BLTP1: variants seen among roughly 807,000 people sequenced by gnomAD.
BLTP1 encodes the protein fragile site-associated protein.
the BLTP1 span, chr4:122,185,137 G>A: frequency 1.0e-6 from 1 of 983,556 alleles, no homozygotes; most frequent in Non-Finnish European, 1.2e-6. Flanking sequence ...TAGGAATGAA[G>A]TTATAAATTA....
the BLTP1 span, chr4:122,194,730 T>C: frequency 1.2e-6 from 1 of 810,536 alleles, no homozygotes; most frequent in Non-Finnish European, 1.5e-6. Flanking sequence ...TTTCATTATG[T>C]ATTTTTCATA....
the BLTP1 span, chr4:122,331,627 C>A: frequency 6.8e-7 from 1 of 1,473,202 alleles, no homozygotes; most frequent in Admixed American, 2.5e-5. Flanking sequence ...CAAACTTCTC[C>A]ATCCCAAAAT....
chr4:122,258,684 C>A, the BLTP1 span: 1 of 1,605,916 alleles, frequency 6.2e-7, no homozygotes, highest in Non-Finnish European at 8.5e-7. Context: ...CTCACTTATT[C>A]TTTTGAACTG....
At chr4:122,244,573 C>T in the BLTP1 span, 2 of 733,674 alleles carry the variant, frequency 2.7e-6, no homozygotes, top group South Asian at 6.2e-5. Context: ...ATAAAACTAA[C>T]ATGAATAAAA....
chr4:122,256,736 C>T, the BLTP1 span: 1 of 241,688 alleles, frequency 4.1e-6, no homozygotes, highest in Non-Finnish European at 6.7e-6. Flanking sequence ...ATAATTATTA[C>T]TGATAATACA....
At chr4:122,154,102 A>T in the BLTP1 span, 1 of 985,038 alleles carries the variant, frequency 1.0e-6, no homozygotes, top group Non-Finnish European at 1.2e-6. Context: ...AAACTCTGGA[A>T]AAAAACTTGG....
the BLTP1 span, chr4:122,201,976 A>G: frequency 1.6e-5 from 9 of 568,342 alleles, no homozygotes; most frequent in Non-Finnish European, 2.0e-5. Context: ...TGTTGTGTAA[A>G]TGATTTCACT....
At chr4:122,307,415 C>A in the BLTP1 span, 7 of 944,434 alleles carry the variant, frequency 7.4e-6, no homozygotes, top group Non-Finnish European at 8.8e-6. Context: ...ACTTCTCTGG[C>A]CTCTCCATCT....
the BLTP1 span, chr4:122,293,222 C>T: frequency 1.0e-6 from 1 of 969,708 alleles, no homozygotes; most frequent in Non-Finnish European, 1.2e-6. Flanking sequence ...TGAAATAAAA[C>T]TTGATTGACA....
the BLTP1 span, chr4:122,264,542 C>G: frequency 2.3e-5 from 20 of 867,492 alleles, no homozygotes; most frequent in Non-Finnish European, 2.9e-5. Flanking sequence ...CCTTACCTAT[C>G]TGCCTACAGC....
the BLTP1 span, among the ~76,000 whole-genome samples, chr4:122,195,916 A>G: frequency 1.3e-5 from 2 of 152,202 alleles, no homozygotes; most frequent in African/African-American, 4.8e-5. Context: ...TTTTAAAGCC[A>G]TAGACTGGCA....
the BLTP1 span, among the ~76,000 whole-genome samples, chr4:122,155,544 G>A: frequency 5.9e-5 from 9 of 152,094 alleles, no homozygotes; most frequent in Non-Finnish European, 2.9e-5. Flanking sequence ...GGCTGGTCTC[G>A]AACTCCTAAC....
the BLTP1 span, among the ~76,000 whole-genome samples, chr4:122,159,008 G>T: frequency 6.6e-6 from 1 of 152,164 alleles, no homozygotes; most frequent in Non-Finnish European, 1.5e-5. Context: ...TGGATCATCA[G>T]TCGCCATACC....
At chr4:122,348,114 T>C in the BLTP1 span, among the ~76,000 whole-genome samples, 23 of 152,154 alleles carry the variant, frequency 1.5e-4, no homozygotes, top group Non-Finnish European at 1.6e-4. Context: ...GATTAAAATA[T>C]AATGAGCAAA....
At chr4:122,214,134 T>C in the BLTP1 span, 4 of 760,964 alleles carry the variant, frequency 5.3e-6, no homozygotes, top group Non-Finnish European at 6.4e-6. Context: ...CTGATTGTAT[T>C]AGCTGTCATC....
At chr4:122,207,051 T>G in the BLTP1 span, 1 of 1,496,552 alleles carries the variant, frequency 6.7e-7, no homozygotes. Flanking sequence ...AATCTGTGTT[T>G]TACTTTTCTG....
At chr4:122,340,736 T>A in the BLTP1 span, 1 of 985,156 alleles carries the variant, frequency 1.0e-6, no homozygotes, top group Non-Finnish European at 1.2e-6. Flanking sequence ...AATATTGCTG[T>A]TGGAGTTGTG....
chr4:122,300,017 T>C, the BLTP1 span: 3 of 852,024 alleles, frequency 3.5e-6, no homozygotes, highest in Non-Finnish European at 4.2e-6. Flanking sequence ...ATATATTTTT[T>C]TATTTTGTTT....
chr4:122,300,038 C>G, the BLTP1 span: 4 of 681,568 alleles, frequency 5.9e-6, no homozygotes, highest in Non-Finnish European at 7.2e-6. Context: ...TTGAGTCAGT[C>G]TCTGTCATCC....
Sources: allele counts gnomAD v4.1 joint callset (sites outside exome capture counted in the v4.1 genomes callset), GRCh38; gene constraint gnomAD v4.1.1; transcripts MANE v1.5; gene names NCBI Gene and HGNC (gene_info 2026-07-23, HGNC 2026-07-21).